SPON2: variants seen among roughly 807,000 people sequenced by gnomAD.
The protein encoded by SPON2 is spondin-2.
SPON2 carries 32 observed loss-of-function variants against 29.9 expected under a neutral mutation model. That is an observed-to-expected ratio of 1.07 (90% CI 0.81 to 1.44). SPON2 has a LOEUF of 1.44. Ranked by LOEUF, SPON2 falls within the 40% of genes most tolerant of loss-of-function variation. The pLI is 0.00. For synonymous variants in SPON2, 248 were observed against 209.1 expected, an observed-to-expected ratio of 1.19 and a Z score of -1.61; for missense variants, 541 against 455.5, an observed-to-expected ratio of 1.19 and a Z score of -1.71.
intron 1 of SPON2, among the ~76,000 whole-genome samples, chr4:1,193,116 G>A (rs902699217): frequency 2.6e-5 from 4 of 152,174 alleles, no homozygotes; most frequent in Admixed American, 6.5e-5. Flanking sequence ...CCAGATACAC[G>A]CCTCACACAT....
chr4:1,177,845 C>T (rs1208804752), upstream of SPON2, among the ~76,000 whole-genome samples: 1 of 152,146 alleles, frequency 6.6e-6, no homozygotes. Flanking sequence ...GACTCAGACG[C>T]GGAGTACCCA....
upstream of SPON2, among the ~76,000 whole-genome samples, chr4:1,173,613 A>G (rs2153077488): frequency 6.6e-6 from 1 of 152,324 alleles, no homozygotes; most frequent in Middle Eastern, 3.4e-3. Flanking sequence ...GTCTTGCTCA[A>G]TCCTTCCCGG....
chr4:1,178,855 G>A (rs1034099420), intron 2 of SPON2, among the ~76,000 whole-genome samples: 1 of 152,086 alleles, frequency 6.6e-6, no homozygotes, highest in Admixed American at 6.5e-5. Flanking sequence ...ACAGCAGGAC[G>A]GGGCTGCGGA....
intron 1 of SPON2, among the ~76,000 whole-genome samples, chr4:1,185,708 C>CAAAAA (rs58836347): frequency 1.4e-5 from 1 of 69,670 alleles, no homozygotes; most frequent in African/African-American, 4.7e-5. Flanking sequence ...ACTCCATCTC[C>CAAAAA]AAAAAAAAAA....
intron 1 of SPON2, among the ~76,000 whole-genome samples, chr4:1,185,824 C>T (rs909704466): frequency 2.7e-4 from 41 of 150,740 alleles, no homozygotes; most frequent in African/African-American, 1.0e-3. Flanking sequence ...TAAAAGAAAA[C>T]ATAAGACAAA....
At chr4:1,171,556 G>A in intron 2 of SPON2, 70 bp from the exon 3 acceptor site, 1 of 1,472,100 alleles carries the variant, frequency 6.8e-7, no homozygotes, top group Non-Finnish European at 9.3e-7. Context: ...TCCAGGGGGC[G>A]CCCCAGGAAA....
At chr4:1,186,280 G>A (rs934097464) in intron 1 of SPON2, among the ~76,000 whole-genome samples, 2 of 149,404 alleles carry the variant, frequency 1.3e-5, no homozygotes, top group Admixed American at 1.3e-4. Context: ...ACAGAGTAAA[G>A]GGGCAACTCA....
chr4:1,192,664 C>T (rs2108667661), intron 1 of SPON2, among the ~76,000 whole-genome samples: 1 of 152,316 alleles, frequency 6.6e-6, no homozygotes, highest in East Asian at 1.9e-4. Context: ...GTTTCTTAGC[C>T]TCTTAACACA....
Position 1,171,853 on chromosome 4 carries a change from C to A in SPON2, c.219G>T (p.Leu73=). Residue 73 remains leucine (L), a splice_region_variant and synonymous_variant, in exon 2 of 6, where the codon CTG becomes CTT. Coordinates refer to ENST00000290902, the MANE Select transcript of SPON2 (RefSeq NM_012445.4). ...AGGCGAGGAGGGGGCTGTACTTACC[C>A]AGCAGCGAAGACCACTGCGCAGGGG... ...FRPPAQWSSL[L]GAAHSSDYSM... 1 of 1,610,580 alleles carries A rather than the reference C, an allele frequency of 6.2e-7. No homozygotes were observed. The highest frequency in any genetic ancestry group is 8.5e-7 in the Non-Finnish European group (1 of 1,177,812).
intron 1 of SPON2, among the ~76,000 whole-genome samples, chr4:1,207,481 A>C (rs2108686249): frequency 6.6e-6 from 1 of 152,274 alleles, no homozygotes; most frequent in East Asian, 1.9e-4. Context: ...TTAAAAAAGA[A>C]AGGGCAGCAG....
At chr4:1,198,671 G>C (rs965627771), upstream of SPON2, among the ~76,000 whole-genome samples, 1 of 151,964 alleles carries the variant, frequency 6.6e-6, no homozygotes, top group African/African-American at 2.4e-5. Context: ...ACACAGCGTC[G>C]GCAGCATCGT....
intron 1 of SPON2, among the ~76,000 whole-genome samples, chr4:1,188,135 T>A (rs1394991813): frequency 7.7e-6 from 1 of 130,232 alleles, no homozygotes; most frequent in African/African-American, 3.0e-5. Context: ...TGCTTGAAAC[T>A]GGGAGGAGGA....
intron 1 of SPON2, among the ~76,000 whole-genome samples, chr4:1,194,641 G>C (rs1479127493): frequency 6.6e-6 from 1 of 152,156 alleles, no homozygotes; most frequent in Non-Finnish European, 1.5e-5. Context: ...CGCGGGACCT[G>C]CTCCCCAGCC....
upstream of SPON2, among the ~76,000 whole-genome samples, chr4:1,176,888 C>A (rs907378201): frequency 6.6e-6 from 1 of 152,106 alleles, no homozygotes; most frequent in Non-Finnish European, 1.5e-5. Context: ...TTCATTCATT[C>A]ACACCATTCA....
intron 5 of SPON2, 157 bp from the exon 6 acceptor site, chr4:1,167,813 A>G: frequency 1.4e-6 from 1 of 705,538 alleles, no homozygotes. Context: ...AGTGAGCGGC[A>G]AGATGGGATG....
Position 1,171,887 on chromosome 4 carries a change from A to G in SPON2, c.185T>C (p.Leu62Pro). ...AGACCACTGCGCAGGGGGGCGGAAC[A>G]GGGGGTACTGCTTGGGGAAGGCCGT... Reference protein sequence around the residue: ...SQTAFPKQYPLFRPPAQWSSL... With the variant: ...SQTAFPKQYPPFRPPAQWSSL... Residue 62 changes from leucine (L) to proline (P), a missense_variant, in exon 2 of 6, where the codon CTG becomes CCG. Transcript: ENST00000290902. 1.2e-6 allele frequency: 2 copies of G among 1,612,832 alleles called. No homozygotes were observed. Among genetic ancestry groups the G allele is most frequent in the Non-Finnish European group, 1.7e-6 (2 of 1,179,850 alleles).
chr4:1,169,479 A>C (rs1455013420), intron 5 of SPON2, among the ~76,000 whole-genome samples: 1 of 152,150 alleles, frequency 6.6e-6, no homozygotes, highest in Non-Finnish European at 1.5e-5. Flanking sequence ...CCCGCCAGCC[A>C]GGCGGCCTCC....
intron 1 of SPON2, among the ~76,000 whole-genome samples, chr4:1,188,531 G>C (rs757668430): frequency 6.6e-6 from 1 of 152,154 alleles, no homozygotes; most frequent in Non-Finnish European, 1.5e-5. Flanking sequence ...GAGTGACTGT[G>C]ACAATATGAA....
At chr4:1,193,861 G>A (rs1437361934) in intron 1 of SPON2, among the ~76,000 whole-genome samples, 2 of 117,774 alleles carry the variant, frequency 1.7e-5, no homozygotes, top group Admixed American at 8.1e-5. Flanking sequence ...TGGGAAGGAC[G>A]TGGGGGACGG....
Sources: allele counts gnomAD v4.1 joint callset (sites outside exome capture counted in the v4.1 genomes callset), GRCh38; gene constraint gnomAD v4.1.1; transcripts MANE v1.5; gene names NCBI Gene and HGNC (gene_info 2026-07-23, HGNC 2026-07-21).